Variants in LMF1 observed in about 807,000 individuals in gnomAD.
LMF1 encodes the protein transmembrane protein 112.
Under a neutral mutation model 60.6 loss-of-function variants are expected in LMF1, and 68 were observed. That is an observed-to-expected ratio of 1.12 (90% CI 0.92 to 1.37). The LOEUF (loss-of-function observed/expected upper bound fraction) is 1.37, where lower values mean the gene tolerates loss of function less well. LMF1 is among the 40% of genes most tolerant of loss of function. LMF1 has a pLI of 0.00. For synonymous variants in LMF1, 418 were observed against 324.7 expected (o/e 1.29, Z -3.09); for missense variants, 948 against 767.2 (o/e 1.24, Z -2.78).
chr16:948,691 C>T lies in LMF1; in HGVS notation c.503+5666G>A, dbSNP rs1170607977. On this transcript the variant is annotated intron_variant, in intron 2 of 10. Transcript: ENST00000262301. Reference sequence around the variant, plus strand: ...AATCAGAGACAATGACAGAGTCAGCCAACGACAGAATCAGAGACAACGACA... The same window carrying T: ...AATCAGAGACAATGACAGAGTCAGCTAACGACAGAATCAGAGACAACGACA... Among the ~76,000 whole-genome samples, 10 of 138,946 alleles carry T rather than the reference C, an allele frequency of 7.2e-5. 1 individual carries two copies. The highest frequency in any genetic ancestry group is 2.2e-4 in the African/African-American group (8 of 35,856). The allele number at this position is 138,946 out of a possible 152,430, so 91.2% of individuals were successfully genotyped here. A position where few individuals can be genotyped will look rare whatever the true frequency, so the allele number is the denominator to read the frequency against.
In LMF1 at chr16:943,649, C is replaced by A. The variant is rs145766884; in HGVS notation, c.504-9395G>T. Among the ~76,000 whole-genome samples the A allele has an allele frequency of 5.5e-3, 824 of 148,672 alleles. 4 individuals carry two copies. The highest frequency in any genetic ancestry group is 9.0e-3 in the Non-Finnish European group (607 of 67,584). On this transcript the variant is annotated intron_variant, in intron 2 of 10. Coordinates refer to ENST00000262301, the MANE Select transcript of LMF1 (RefSeq NM_022773.4). ...GGCTGAAGCAGGAAAATTGTTTGAA[C>A]CTGCGAGGTGGAGGTTGAAGTGAGC... is the stretch of plus-strand genomic sequence containing the variant.
chr16:895,671 G>A (rs750985466), intron 4 of LMF1, among the ~76,000 whole-genome samples: 5 of 152,148 alleles, frequency 3.3e-5, no homozygotes, highest in African/African-American at 4.8e-5. Flanking sequence ...CCTGAAGGAC[G>A]GCACGTGGCT....
chr16:928,466 TGTA>T (rs2071674610), intron 3 of LMF1, among the ~76,000 whole-genome samples: 1 of 152,204 alleles, frequency 6.6e-6, no homozygotes, highest in African/African-American at 2.4e-5. Context: ...TGGATGGGAC[TGTA>T]GTAAGAAACA....
In LMF1 at chr16:870,037, A is replaced by T. The variant is rs2069735152; in HGVS notation, c.1262T>A (p.Leu421Gln). The T allele has an allele frequency of 1.2e-6, 2 of 1,611,634 alleles. No homozygotes were observed. The highest frequency in any genetic ancestry group is 3.3e-5 in the Admixed American group (2 of 59,980). The change falls in exon 9 of 11, where the codon CTG (leucine) becomes CAG (glutamine). Residue 421 changes from leucine (L) to glutamine (Q), a missense_variant. Leu to Gln is a moderately radical substitution (Grantham distance 113, BLOSUM62 -2). Coordinates refer to ENST00000262301, the MANE Select transcript of LMF1 (RefSeq NM_022773.4). ...GGCGTTGGAGCTGGCTGTGCCCTGC[A>T]GGATCACCTCCGCCCGCTCCTTGGT... Reference protein sequence around the residue: ...SITKERAEVILQGTASSNASA... With the variant: ...SITKERAEVIQQGTASSNASA...
At chr16:887,411 ACG>A (rs751663414) in intron 5 of LMF1, among the ~76,000 whole-genome samples, 7 of 152,108 alleles carry the variant, frequency 4.6e-5, no homozygotes, top group Non-Finnish European at 7.4e-5. Context: ...GCACTTCAAC[ACG>A]GATTCCTGCA....
At chr16:887,807 G>A (rs1204293149) in intron 5 of LMF1, among the ~76,000 whole-genome samples, 1 of 152,150 alleles carries the variant, frequency 6.6e-6, no homozygotes, top group Admixed American at 6.5e-5. Context: ...CAGGGGCAGT[G>A]CTTCCGGATC....
chr16:906,714 T>C (rs1424222560), intron 4 of LMF1, among the ~76,000 whole-genome samples: 1 of 152,218 alleles, frequency 6.6e-6, no homozygotes, highest in Non-Finnish European at 1.5e-5. Context: ...CATTTTTCAG[T>C]AAATCCTGGA....
Position 868,834 on chromosome 16 carries a change from G to A in LMF1, c.1529+110C>T, listed in dbSNP as rs538430291. On this transcript the variant is annotated intron_variant, in intron 10 of 10. Coordinates refer to ENST00000262301, the MANE Select transcript of LMF1 (RefSeq NM_022773.4). Reference sequence around the variant, plus strand: ...CCCCACCTCCTGCCTCTGCGGGAGGGAAGGGGCGCTTCCCGTGAGCAGGTG... The same window carrying A: ...CCCCACCTCCTGCCTCTGCGGGAGGAAAGGGGCGCTTCCCGTGAGCAGGTG... 7 of 730,954 alleles carry A rather than the reference G, an allele frequency of 9.6e-6. 1 individual carries two copies. Among genetic ancestry groups the A allele is most frequent in the South Asian group, 7.9e-5 (5 of 63,086 alleles). The allele number at this position is 730,954 out of a possible 1,614,324, so 45.3% of individuals were successfully genotyped here.
rs2151672600 is a variant in LMF1, at chr16:854,374, A to G, written c.*158T>C. ...CTGGGAGCCGCCACAGTATGTGACA[A>G]CAGACCCCACCCTGGACCCCCGTGC... On this transcript the variant is annotated 3_prime_UTR_variant, in exon 11 of 11. Transcript: ENST00000262301. The G allele has an allele frequency of 1.2e-6, 1 of 827,262 alleles. No individual in the cohort carries two copies. Among genetic ancestry groups the G allele is most frequent in the South Asian group, 1.5e-5 (1 of 68,138 alleles). 51.2% of individuals were successfully genotyped at this position (827,262 alleles called of 1,614,324 possible).
chr16:968,021 G>A (rs1053583914), intron 1 of LMF1, among the ~76,000 whole-genome samples: 7 of 152,192 alleles, frequency 4.6e-5, no homozygotes, highest in Admixed American at 2.0e-4. Flanking sequence ...AACACACTCC[G>A]GCTCCCACAG....
chr16:969,246 C>T (rs1456851339), intron 1 of LMF1, among the ~76,000 whole-genome samples: 1 of 152,082 alleles, frequency 6.6e-6, no homozygotes, highest in Non-Finnish European at 1.5e-5. Context: ...ACCCAGGAGA[C>T]GGAGGTTGCA....
intron 1 of LMF1, among the ~76,000 whole-genome samples, chr16:968,015 C>T (rs563293275): frequency 6.6e-6 from 1 of 152,256 alleles, no homozygotes; most frequent in African/African-American, 2.4e-5. Flanking sequence ...TCCGCTAACA[C>T]ACTCCGGCTC....
intron 2 of LMF1, among the ~76,000 whole-genome samples, chr16:944,943 G>A (rs756427861): frequency 2.6e-4 from 39 of 152,066 alleles, no homozygotes; most frequent in Non-Finnish European, 4.3e-4. Context: ...GCTGGGCACC[G>A]TGGCTCATGC....
chr16:887,295 GCT>G (rs1329423794), intron 5 of LMF1, among the ~76,000 whole-genome samples: 5 of 152,238 alleles, frequency 3.3e-5, no homozygotes, highest in Non-Finnish European at 7.3e-5. Context: ...CAGCCGCTGT[GCT>G]CTGTGTGAGC....
chr16:878,586 G>A lies in LMF1; in HGVS notation c.897+984C>T, dbSNP rs2070063703. Among the ~76,000 whole-genome samples the A allele has an allele frequency of 1.3e-5, 2 of 152,226 alleles. No homozygotes were observed. Among genetic ancestry groups the A allele is most frequent in the Admixed American group, 6.5e-5 (1 of 15,290 alleles). On this transcript the variant is annotated intron_variant, in intron 6 of 10. Transcript: ENST00000262301. The surrounding 1 kb of genome is among the most constrained non-coding windows in gnomAD (Gnocchi z 5.2). ...CTACCACACGTGCACAGACGGGACG[G>A]GTGAACCGACCGCAGGCACGCACCG...
chr16:878,107 G>A lies in LMF1; in HGVS notation c.897+1463C>T, dbSNP rs569788609. On this transcript the variant is annotated intron_variant, in intron 6 of 10. Coordinates refer to ENST00000262301, the MANE Select transcript of LMF1 (RefSeq NM_022773.4). The surrounding 1 kb of genome is among the most constrained non-coding windows in gnomAD (Gnocchi z 5.2). The stretch of plus-strand genomic sequence containing the variant: ...AGACGCGCGTGGGGTCCAGCCACAT[G>A]GAATCCACTGAAGCTATTCCAGGAG... 3.8e-4 allele frequency among the ~76,000 whole-genome samples: 58 copies of A among 150,728 alleles called. No individual in the cohort carries two copies. The highest frequency in any genetic ancestry group is 1.4e-3 in the African/African-American group (58 of 40,870).
Position 871,529 on chromosome 16 carries a change from A to G in LMF1, c.898-188T>C, listed in dbSNP as rs1417781725. The stretch of plus-strand genomic sequence containing the variant: ...TCATGGAGGGGACAGCAGATGCCTC[A>G]GAGGTGCCTTCCGGCAGGTGCTTCC... On this transcript the variant is annotated intron_variant, in intron 6 of 10. Transcript: ENST00000262301. 39 of 611,814 alleles carry G rather than the reference A, an allele frequency of 6.4e-5. No homozygotes were observed. The East Asian group carries it at 1.1e-3, about 17-fold the overall frequency. 37.9% of individuals were successfully genotyped at this position (611,814 alleles called of 1,614,324 possible).
intron 4 of LMF1, among the ~76,000 whole-genome samples, chr16:908,655 G>A (rs910875651): frequency 1.3e-5 from 2 of 152,254 alleles, no homozygotes; most frequent in Non-Finnish European, 2.9e-5. Context: ...GACAGAGGCT[G>A]AGCTCACCAG....
At chr16:941,028 C>T (rs1437334701) in intron 2 of LMF1, among the ~76,000 whole-genome samples, 9 of 152,168 alleles carry the variant, frequency 5.9e-5, no homozygotes, top group Non-Finnish European at 1.5e-5. Context: ...TTTATTACCA[C>T]AAAATGTCTC....
Sources: gnomAD v4.1 joint callset for allele counts (sites outside exome capture counted in the v4.1 genomes callset) on GRCh38, gnomAD v4.1.1 for gene constraint, Gnocchi (gnomAD v3.1) non-coding constraint, MANE v1.5 for transcripts, NCBI Gene and HGNC (gene_info 2026-07-23, HGNC 2026-07-21) for gene names.